Variants in ZDHHC11 observed in about 807,000 individuals in gnomAD.
ZDHHC11 encodes the protein zDHHC palmitoyltransferase 11.
In ZDHHC11, 44 loss-of-function variants were observed where a neutral mutation model predicts 51.3. That is an observed-to-expected ratio of 0.86 (90% CI 0.67 to 1.10). The LOEUF is 1.10. ZDHHC11 is among the 50% of genes least tolerant of loss of function. ZDHHC11 has a pLI of 0.00. For synonymous variants in ZDHHC11, 163 were observed against 222.0 expected (o/e 0.73, Z 2.36); for missense variants, 400 against 537.7 (o/e 0.74, Z 2.53).
At position 819,594 on chromosome 5, in the gene ZDHHC11, G is replaced by T. The variant is rs530219074; in HGVS notation, c.1077C>A (p.Ser359=). The T allele has an allele frequency of 1.9e-5, 31 of 1,609,488 alleles. No individual in the cohort carries two copies. The South Asian group carries it at 2.2e-4, about 11-fold the overall frequency. ...GACACAGGCGCCTGCAAATCAGCCG[G>T]GAGTTCCTGGCCTTGGCTCTGGTGG... ...PSALGAKARN[S]RLICRRLCQF... is the part of the protein sequence containing the mutation. Residue 359 remains serine, a synonymous_variant, in exon 10 of 13, where the codon TCC becomes TCA. Coordinates refer to ENST00000283441, the MANE Select transcript of ZDHHC11 (RefSeq NM_024786.3).
intron 10 of ZDHHC11, among the ~76,000 whole-genome samples, chr5:818,281 G>A (rs1741087479): frequency 6.6e-6 from 1 of 151,582 alleles, no homozygotes; most frequent in Non-Finnish European, 1.5e-5. Context: ...GTGCCACATG[G>A]AGTGAGGGAA....
intron 1 of ZDHHC11, among the ~76,000 whole-genome samples, chr5:858,591 C>T (rs1297790114): frequency 6.6e-6 from 1 of 152,206 alleles, no homozygotes. Flanking sequence ...TATCCTCACT[C>T]TCCTCCAGCC....
exon 1 of ZDHHC11, among the ~76,000 whole-genome samples, chr5:858,954 C>T (rs953286182): frequency 6.6e-6 from 1 of 152,046 alleles, no homozygotes; most frequent in South Asian, 2.1e-4. Context: ...GCGTCGCTCT[C>T]GCTAACTCCA....
chr5:821,860 C>T lies in ZDHHC11; in HGVS notation c.1058+1G>A. 1 of 1,604,838 alleles carries T rather than the reference C, an allele frequency of 6.2e-7. No individual in the cohort carries two copies. Among genetic ancestry groups the T allele is most frequent in the South Asian group, 1.1e-5 (1 of 90,158 alleles). ...TAATCCCATTAAACTTACAAACTCACCCAAGTGCAGATGGACACGGGTCTT... is the reference window on the plus strand; with the variant it reads ...TAATCCCATTAAACTTACAAACTCATCCAAGTGCAGATGGACACGGGTCTT... On this transcript the variant is annotated splice_donor_variant, in intron 9 of 12. Transcript: ENST00000283441. LOFTEE classifies it high-confidence loss of function.
chr5:855,024 G>A (rs1196201476), upstream of ZDHHC11, among the ~76,000 whole-genome samples: 3 of 146,820 alleles, frequency 2.0e-5, no homozygotes, highest in African/African-American at 7.7e-5. Context: ...CAGTGAGCCA[G>A]GGGGACAGAA....
At chr5:852,752 C>A (rs1330445935), upstream of ZDHHC11, among the ~76,000 whole-genome samples, 2 of 134,580 alleles carry the variant, frequency 1.5e-5, no homozygotes, top group African/African-American at 5.8e-5. Context: ...GGGGGACAGA[C>A]CCCATGGAGG....
intron 3 of ZDHHC11, among the ~76,000 whole-genome samples, chr5:844,657 A>G (rs1745824167): frequency 6.6e-6 from 1 of 152,312 alleles, no homozygotes; most frequent in African/African-American, 2.4e-5. Context: ...GAGGGCCTGC[A>G]GGCTCAGGGA....
intron 1 of ZDHHC11, among the ~76,000 whole-genome samples, chr5:856,323 CCA>C (rs1421564929): frequency 1.3e-5 from 2 of 150,682 alleles, no homozygotes; most frequent in South Asian, 2.1e-4. Context: ...ACACCATACA[CCA>C]CACGCCACAC....
rs559295010 is a variant in ZDHHC11 at position 841,146 on chromosome 5, G to A, written c.629-496C>T. 2.0e-5 allele frequency: 21 copies of A among 1,027,464 alleles called. No individual in the cohort carries two copies. The Admixed American group carries it at 1.1e-3, about 52-fold the overall frequency. The allele number at this position is 1,027,464 out of a possible 1,614,324, so 63.6% of individuals were successfully genotyped here. A position where few individuals can be genotyped will look rare whatever the true frequency, so the allele number is the denominator to read the frequency against. On this transcript the variant is annotated intron_variant, in intron 4 of 12. Coordinates refer to ENST00000283441, the MANE Select transcript of ZDHHC11 (RefSeq NM_024786.3). Reference sequence around the variant, plus strand: ...CCCATCCCTTCCTTATTTAGTGCCAGGGTCACAGTGCCCACCCCTTCCTAA... The same window carrying A: ...CCCATCCCTTCCTTATTTAGTGCCAAGGTCACAGTGCCCACCCCTTCCTAA...
chr5:796,310 T>C lies in ZDHHC11; in HGVS notation c.*278A>G, dbSNP rs1275662054. The C allele has an allele frequency of 2.6e-5, 4 of 154,026 alleles. No homozygotes were observed. Among genetic ancestry groups the C allele is most frequent in the African/African-American group, 9.7e-5 (4 of 41,340 alleles). 9.5% of individuals were successfully genotyped at this position (154,026 alleles called of 1,614,324 possible). ...AGGTGGCTGCATCCTCTGCAGTTGCTGGCAGCCCATCTTCCTGGAGATGTA... is the reference window on the plus strand; with the variant it reads ...AGGTGGCTGCATCCTCTGCAGTTGCCGGCAGCCCATCTTCCTGGAGATGTA... On this transcript the variant is annotated 3_prime_UTR_variant, in exon 13 of 13. Transcript: ENST00000283441.
intron 5 of ZDHHC11, among the ~76,000 whole-genome samples, chr5:838,212 T>A (rs1178347371): frequency 3.3e-5 from 5 of 151,982 alleles, no homozygotes; most frequent in African/African-American, 1.2e-4. Context: ...ACCTGGCCTG[T>A]CCTGCAGGCA....
intron 7 of ZDHHC11, among the ~76,000 whole-genome samples, chr5:829,412 A>G (rs1364264566): frequency 1.3e-5 from 2 of 152,000 alleles, no homozygotes; most frequent in Admixed American, 1.3e-4. Context: ...GAGATGGATA[A>G]CTTCCTGGAA....
chr5:842,040 A>G (rs1745075060), intron 4 of ZDHHC11: 4 of 986,522 alleles, frequency 4.1e-6, no homozygotes, highest in Non-Finnish European at 3.6e-6. Context: ...CCATGAGAAG[A>G]AGGAGCAGCT....
chr5:840,467 G>A (rs1261351404), intron 5 of ZDHHC11, 28 bp downstream of exon 5: 8 of 1,613,072 alleles, frequency 5.0e-6, no homozygotes, highest in South Asian at 2.2e-5. Context: ...GCCTTGGGGG[G>A]ATCGGGGGCT....
At chr5:851,676 C>T (rs543354680), upstream of ZDHHC11, among the ~76,000 whole-genome samples, 373 of 152,278 alleles carry the variant, frequency 2.4e-3, 3 homozygotes, top group Non-Finnish European at 3.5e-3. Flanking sequence ...TGACACCAGG[C>T]GGATGCGGGG....
intron 11 of ZDHHC11, among the ~76,000 whole-genome samples, chr5:806,203 A>T (rs1739234255): frequency 6.6e-6 from 1 of 151,134 alleles, no homozygotes; most frequent in Non-Finnish European, 1.5e-5. Context: ...GGATAGACAA[A>T]ACTGATGAGT....
At chr5:838,670 T>C in intron 5 of ZDHHC11, among the ~76,000 whole-genome samples, 1 of 152,324 alleles carries the variant, frequency 6.6e-6, no homozygotes. Flanking sequence ...CCTTTCATGT[T>C]TCTGCCACAC....
rs70957306 is a variant in ZDHHC11 at position 802,825 on chromosome 5, C to CAAAAAAAAAAAAAAAAAA, written c.1182-1679_1182-1662dup. ...TGTCTCTACTAAAAATACAAAAATACAAAAAAAAAAAAAAAAAAAAAAAAA... is the reference window on the plus strand; with the variant it reads ...TGTCTCTACTAAAAATACAAAAATACAAAAAAAAAAAAAAAAAAAAAAAAAAAAAAAAAAAAAAAAAAA... On this transcript the variant is annotated intron_variant, in intron 11 of 12. Coordinates refer to ENST00000283441, the MANE Select transcript of ZDHHC11 (RefSeq NM_024786.3). Among the ~76,000 whole-genome samples the CAAAAAAAAAAAAAAAAAA allele has an allele frequency of 2.6e-4, 5 of 19,100 alleles. 2 individuals carry two copies. The highest frequency in any genetic ancestry group is 3.4e-4 in the Non-Finnish European group (2 of 5,928). The allele number at this position is 19,100 out of a possible 152,430, so 12.5% of individuals were successfully genotyped here. A position where few individuals can be genotyped will look rare whatever the true frequency, so the allele number is the denominator to read the frequency against.
At chr5:833,637 T>TAA (rs1332762947) in intron 7 of ZDHHC11, 136 bp downstream of exon 7, 18 of 575,364 alleles carry the variant, frequency 3.1e-5, no homozygotes, top group African/African-American at 1.9e-5. Flanking sequence ...AAAACTATTT[T>TAA]ATCTTCTACT....
Sources: allele counts gnomAD v4.1 joint callset (sites outside exome capture counted in the v4.1 genomes callset), GRCh38; gene constraint gnomAD v4.1.1; transcripts MANE v1.5; gene names NCBI Gene and HGNC (gene_info 2026-07-23, HGNC 2026-07-21).